Variants in SH3KBP1 observed in about 807,000 individuals in gnomAD.
SH3KBP1 encodes SH3 domain containing kinase binding protein 1.
Under a neutral mutation model 50.1 loss-of-function variants are expected in SH3KBP1, and 8 were observed. That is an observed-to-expected ratio of 0.16 (90% CI 0.09 to 0.29). The LOEUF (loss-of-function observed/expected upper bound fraction) is 0.29. SH3KBP1 is among the 10% of genes least tolerant of loss of function. The probability of loss-of-function intolerance (pLI) is 1.00; values close to 1 mark genes in which losing one functional copy is unlikely to be tolerated. For synonymous variants in SH3KBP1, 227 were observed against 218.6 expected, an observed-to-expected ratio of 1.04 and a Z score of -0.34; for missense variants, 377 against 535.2, an observed-to-expected ratio of 0.70 and a Z score of 2.92.
intron 3 of SH3KBP1, among the ~76,000 whole-genome samples, chrX:19,713,915 T>G (rs772035296): frequency 8.9e-6 from 1 of 111,913 alleles, no homozygotes; most frequent in Non-Finnish European, 1.9e-5. Context: ...CTATTCACAG[T>G]AGCAAAGATA....
intron 15 of SH3KBP1, among the ~76,000 whole-genome samples, 187 bp from the exon 16 acceptor site, chrX:19,542,380 G>T (rs186463833): frequency 5.4e-5 from 6 of 111,825 alleles, no homozygotes; most frequent in African/African-American, 1.6e-4. Flanking sequence ...TTACTCACAC[G>T]CCGCCTTCTA....
chrX:19,598,071 A>G (rs1343820486), intron 9 of SH3KBP1, among the ~76,000 whole-genome samples: 1 of 111,877 alleles, frequency 8.9e-6, no homozygotes, highest in Non-Finnish European at 1.9e-5. Flanking sequence ...GCTGGCTTCC[A>G]ACTTTTCTTG....
At chrX:19,572,153 T>C (rs2066029780) in intron 12 of SH3KBP1, among the ~76,000 whole-genome samples, 1 of 108,718 alleles carries the variant, frequency 9.2e-6, no homozygotes, top group Admixed American at 1.0e-4. Flanking sequence ...ATTTTCCTTT[T>C]ATTGTCATTC....
intron 1 of SH3KBP1, among the ~76,000 whole-genome samples, chrX:19,840,594 T>C (rs1004190158): frequency 2.7e-5 from 3 of 111,903 alleles, no homozygotes; most frequent in Admixed American, 9.5e-5. Context: ...CAGCCAAAAT[T>C]ATATCACAAG....
chrX:19,720,401 C>T (rs1037327681), intron 3 of SH3KBP1, among the ~76,000 whole-genome samples: 10 of 111,365 alleles, frequency 9.0e-5, no homozygotes, highest in African/African-American at 3.3e-4. Flanking sequence ...AAATCCAATA[C>T]GTAAAGCACA....
At chrX:19,572,158 T>C (rs1164748422) in intron 12 of SH3KBP1, among the ~76,000 whole-genome samples, 1 of 108,182 alleles carries the variant, frequency 9.2e-6, no homozygotes, top group East Asian at 2.8e-4. Flanking sequence ...CCTTTTATTG[T>C]CATTCTCAAC....
intron 1 of SH3KBP1, among the ~76,000 whole-genome samples, chrX:19,876,560 G>A (rs2069259893): frequency 1.8e-5 from 2 of 111,037 alleles, no homozygotes; most frequent in African/African-American, 6.6e-5. Flanking sequence ...CATCTCCGGG[G>A]GGGAGAAAAT....
intron 3 of SH3KBP1, among the ~76,000 whole-genome samples, chrX:19,713,778 C>G (rs1482605397): frequency 9.0e-6 from 1 of 111,432 alleles, no homozygotes; most frequent in East Asian, 2.8e-4. Flanking sequence ...TATAGTCACC[C>G]TACTCTGCTA....
intron 1 of SH3KBP1, among the ~76,000 whole-genome samples, chrX:19,871,980 G>A (rs754077085): frequency 6.2e-4 from 68 of 110,564 alleles, no homozygotes; most frequent in Non-Finnish European, 1.1e-3. Flanking sequence ...GGCCGGGCAC[G>A]GTGGCTCACG....
At chrX:19,860,460 G>C (rs562212659) in intron 1 of SH3KBP1, among the ~76,000 whole-genome samples, 8 of 110,725 alleles carry the variant, frequency 7.2e-5, no homozygotes, top group Non-Finnish European at 1.3e-4. Flanking sequence ...ACCAGGGACT[G>C]GGGGGAGGGG....
chrX:19,695,568 C>T (rs781606751), intron 5 of SH3KBP1, 44 bp downstream of exon 5: 24 of 1,194,992 alleles, frequency 2.0e-5, no homozygotes, highest in Middle Eastern at 2.4e-4. Context: ...CACAGCCTGC[C>T]GGTCCCCCGC....
chrX:19,553,891 ATATATTATATATAT>A (rs2065320734), intron 13 of SH3KBP1, among the ~76,000 whole-genome samples: 1 of 81,056 alleles, frequency 1.2e-5, no homozygotes, highest in Non-Finnish European at 2.2e-5. Flanking sequence ...AATATATATT[ATATATTATATATAT>A]AAAATATTAT....
chrX:19,605,033 C>A (rs1220443542), intron 9 of SH3KBP1, among the ~76,000 whole-genome samples: 1 of 111,073 alleles, frequency 9.0e-6, no homozygotes, highest in South Asian at 3.8e-4. Flanking sequence ...TCCCAAAGAG[C>A]GTGCCATGCC....
At chrX:19,849,168 G>C (rs1265945168) in intron 1 of SH3KBP1, among the ~76,000 whole-genome samples, 1 of 110,325 alleles carries the variant, frequency 9.1e-6, no homozygotes, top group Non-Finnish European at 1.9e-5. Flanking sequence ...TGATGGAAGT[G>C]TGTGTCACCG....
intron 4 of SH3KBP1, among the ~76,000 whole-genome samples, chrX:19,705,165 T>C (rs2063625125): frequency 8.9e-6 from 1 of 112,478 alleles, no homozygotes; most frequent in Non-Finnish European, 1.9e-5. Context: ...GAACATTTTC[T>C]TGTGGTTAAG....
intron 1 of SH3KBP1, among the ~76,000 whole-genome samples, chrX:19,857,384 A>C (rs774175038): frequency 9.0e-6 from 1 of 110,588 alleles, no homozygotes; most frequent in East Asian, 2.8e-4. Context: ...GGGGAATGGG[A>C]ACTTGAGATG....
intron 12 of SH3KBP1, among the ~76,000 whole-genome samples, chrX:19,576,834 C>T (rs907227753): frequency 6.3e-5 from 7 of 111,604 alleles, no homozygotes; most frequent in African/African-American, 2.3e-4. Context: ...TGTCAGCAGG[C>T]AGCTGCCAGT....
chrX:19,883,045 C>T (rs1294842456), intron 1 of SH3KBP1, among the ~76,000 whole-genome samples: 7 of 112,209 alleles, frequency 6.2e-5, no homozygotes, highest in Non-Finnish European at 9.4e-5. Context: ...GCCTTGTGTA[C>T]CCCAGTGAAC....
chrX:19,807,260 CAT>C (rs2067075563), intron 2 of SH3KBP1, among the ~76,000 whole-genome samples: 1 of 112,049 alleles, frequency 8.9e-6, no homozygotes, highest in Admixed American at 9.5e-5. Flanking sequence ...AATTCTTACA[CAT>C]GTTTAAAGAA....
Sources: allele counts gnomAD v4.1 joint callset (sites outside exome capture counted in the v4.1 genomes callset), GRCh38; gene constraint gnomAD v4.1.1; transcripts MANE v1.5; gene names NCBI Gene and HGNC (gene_info 2026-07-23, HGNC 2026-07-21).